CFAP20DC: variants seen among roughly 807,000 people sequenced by gnomAD.
The protein encoded by CFAP20DC is CFAP20 domain containing, also known as protein CFAP20DC.
In CFAP20DC, 84 loss-of-function variants were observed where a neutral mutation model predicts 101.7. The ratio of observed to expected loss-of-function variants is 0.83; its 90% CI spans 0.69 to 0.99. The LOEUF (loss-of-function observed/expected upper bound fraction) is 0.99. CFAP20DC is among the 50% of genes least tolerant of loss of function. The pLI is 0.00. For synonymous variants in CFAP20DC, 359 were observed against 351.2 expected (o/e 1.02, Z -0.25); for missense variants, 1,007 against 970.3 (o/e 1.04, Z -0.50).
chr3:58,982,699 G>A (rs2092607178), intron 4 of CFAP20DC, among the ~76,000 whole-genome samples: 1 of 117,256 alleles, frequency 8.5e-6, no homozygotes, highest in African/African-American at 3.3e-5. Context: ...ACACTTCGGA[G>A]ACTGTTGTGG....
intron 4 of CFAP20DC, among the ~76,000 whole-genome samples, chr3:58,940,128 T>A (rs888305487): frequency 6.6e-6 from 1 of 152,210 alleles, no homozygotes; most frequent in Admixed American, 6.5e-5. Flanking sequence ...AATGATTGAG[T>A]ATACTATCAC....
At chr3:58,753,944 G>C in intron 15 of CFAP20DC, 81 bp from the exon 16 acceptor site, 1 of 905,690 alleles carries the variant, frequency 1.1e-6, no homozygotes, top group Non-Finnish European at 1.7e-6. Context: ...TCAGTTCCTT[G>C]GGGCTTCCAA....
intron 12 of CFAP20DC, among the ~76,000 whole-genome samples, chr3:58,853,764 G>T (rs1415188061): frequency 2.0e-5 from 3 of 152,094 alleles, no homozygotes; most frequent in African/African-American, 7.2e-5. Context: ...TGCAGAAAAG[G>T]CCTTAGACAA....
chr3:59,030,914 C>T (rs1326848608), intron 4 of CFAP20DC, among the ~76,000 whole-genome samples: 2 of 152,152 alleles, frequency 1.3e-5, no homozygotes, highest in Non-Finnish European at 2.9e-5. Context: ...AGCTCCGCCT[C>T]CCGGGTTCAC....
At chr3:58,884,875 A>C (rs1368951014) in intron 6 of CFAP20DC, among the ~76,000 whole-genome samples, 166 bp from the exon 7 acceptor site, 2 of 152,158 alleles carry the variant, frequency 1.3e-5, no homozygotes, top group Non-Finnish European at 2.9e-5. Flanking sequence ...GAGCATGATA[A>C]TTTTACTGCT....
In CFAP20DC at chr3:58,903,449, T is replaced by C. The variant is rs1313288585; in HGVS notation, c.550+10259A>G. Among the ~76,000 whole-genome samples, 6 of 152,180 alleles carry C rather than the reference T, an allele frequency of 3.9e-5. No homozygotes were observed. The East Asian group carries it at 1.2e-3, about 29-fold the overall frequency. On this transcript the variant is annotated intron_variant, in intron 6 of 16. Transcript: ENST00000482387. ...CCTTTTTGAAATCAAATGTATGGTT[T>C]GTGTATTAGTTCCTTCTCAGGCTGC... is the stretch of plus-strand genomic sequence containing the variant.
In CFAP20DC at chr3:58,863,158, C is replaced by T. The variant is rs2079392543; in HGVS notation, c.1593+400G>A. ...AAAGATGGCAGGGGAGTAAGGAAGC[C>T]AGAAAACCATCAATTTAGAATGCTT... is the stretch of plus-strand genomic sequence containing the variant. On this transcript the variant is annotated intron_variant, in intron 12 of 16. Coordinates refer to ENST00000482387, the MANE Select transcript of CFAP20DC (RefSeq NM_001394063.1). The surrounding 1 kb of genome is among the most constrained non-coding windows in gnomAD (Gnocchi z 5.9). 4 of 1,083,548 alleles carry T rather than the reference C, an allele frequency of 3.7e-6. No homozygotes were observed. Among genetic ancestry groups the T allele is most frequent in the Non-Finnish European group, 4.5e-6 (4 of 895,040 alleles). 67.1% of individuals were successfully genotyped at this position (1,083,548 alleles called of 1,614,324 possible).
At chr3:58,751,371 A>G (rs1041850235) in intron 16 of CFAP20DC, among the ~76,000 whole-genome samples, 1 of 152,210 alleles carries the variant, frequency 6.6e-6, no homozygotes, top group Non-Finnish European at 1.5e-5. Context: ...AAGATAAACA[A>G]CATGCAAATA....
chr3:58,807,857 A>T (rs2074238015), intron 14 of CFAP20DC, among the ~76,000 whole-genome samples: 1 of 152,208 alleles, frequency 6.6e-6, no homozygotes, highest in Admixed American at 6.5e-5. Context: ...ACCAATACAG[A>T]GAAGTGCTTA....
At chr3:58,924,935 T>C (rs1038460644) in intron 5 of CFAP20DC, among the ~76,000 whole-genome samples, 4 of 152,156 alleles carry the variant, frequency 2.6e-5, no homozygotes, top group Non-Finnish European at 5.9e-5. Flanking sequence ...TTTGTTTTTT[T>C]CTTGTTATCT....
At chr3:58,804,036 T>C (rs10510799) in intron 15 of CFAP20DC, among the ~76,000 whole-genome samples, 5,121 of 152,254 alleles carry the variant, frequency 0.034, 276 homozygotes, top group African/African-American at 0.11. Flanking sequence ...ATGCTTTCTA[T>C]ATAGGACAAT....
Position 58,821,873 on chromosome 3 carries a change from T to G in CFAP20DC, c.2175+9813A>C, listed in dbSNP as rs1305603827. ...ATGTTTATTGCGGCATTATTCACAA[T>G]AGCAAAGACTTGGAACCAACCCAAA... On this transcript the variant is annotated intron_variant, in intron 14 of 16. Transcript: ENST00000482387. 2.3e-5 allele frequency among the ~76,000 whole-genome samples: 3 copies of G among 127,818 alleles called. No individual in the cohort carries two copies. In the East Asian group the frequency reaches 7.0e-4, roughly 30 times the overall value. 83.9% of individuals were successfully genotyped at this position (127,818 alleles called of 152,430 possible).
chr3:58,949,479 T>C (rs376049384), intron 4 of CFAP20DC, among the ~76,000 whole-genome samples: 1 of 152,174 alleles, frequency 6.6e-6, no homozygotes, highest in African/African-American at 2.4e-5. Flanking sequence ...TTCTGGTATG[T>C]TGTGTCTTTG....
At chr3:58,826,015 C>G (rs1410270291) in intron 14 of CFAP20DC, among the ~76,000 whole-genome samples, 2 of 152,174 alleles carry the variant, frequency 1.3e-5, no homozygotes, top group African/African-American at 4.8e-5. Flanking sequence ...AAGGATTTTG[C>G]TAAAGACTCT....
chr3:58,871,531 CTTT>C (rs951056591), intron 7 of CFAP20DC, among the ~76,000 whole-genome samples: 6 of 136,126 alleles, frequency 4.4e-5, no homozygotes, highest in Admixed American at 1.5e-4. Context: ...TCCGACTTTT[CTTT>C]TTTTTTTTTT....
chr3:58,761,856 T>A (rs1028957121), intron 15 of CFAP20DC, among the ~76,000 whole-genome samples: 2 of 152,108 alleles, frequency 1.3e-5, no homozygotes, highest in African/African-American at 4.8e-5. Flanking sequence ...TTTGAGTGAG[T>A]TTCTTAATCC....
intron 12 of CFAP20DC, among the ~76,000 whole-genome samples, chr3:58,858,613 T>C (rs1264633442): frequency 3.3e-5 from 5 of 152,198 alleles, no homozygotes; most frequent in Non-Finnish European, 5.9e-5. Context: ...ATAATATTTA[T>C]TCATATTTCA....
chr3:58,826,752 G>C (rs2076066633), intron 14 of CFAP20DC, among the ~76,000 whole-genome samples: 1 of 152,190 alleles, frequency 6.6e-6, no homozygotes, highest in Non-Finnish European at 1.5e-5. Flanking sequence ...AGGTATGAAA[G>C]AACACAGGCA....
At position 59,001,496 on chromosome 3, in the gene CFAP20DC, C is replaced by G. The variant is rs1345388080; in HGVS notation, c.278+38061G>C. On this transcript the variant is annotated intron_variant, in intron 4 of 16. Coordinates refer to ENST00000482387, the MANE Select transcript of CFAP20DC (RefSeq NM_001394063.1). This position sits in a 1 kb window ranked among gnomAD's most constrained non-coding sequence, Gnocchi z 4.5. ...CTCAGCCTCGATCTCACCCCAACCTCCGCCTCCCAGGTTCAAGTGATTCTC... is the reference window on the plus strand; with the variant it reads ...CTCAGCCTCGATCTCACCCCAACCTGCGCCTCCCAGGTTCAAGTGATTCTC... Among the ~76,000 whole-genome samples, 1 of 152,212 alleles carries G rather than the reference C, an allele frequency of 6.6e-6. No individual in the cohort carries two copies. The highest frequency in any genetic ancestry group is 2.4e-5 in the African/African-American group (1 of 41,452).
Sources: allele counts gnomAD v4.1 joint callset (sites outside exome capture counted in the v4.1 genomes callset), GRCh38; gene constraint gnomAD v4.1.1; non-coding constraint Gnocchi (gnomAD v3.1); transcripts MANE v1.5; gene names NCBI Gene and HGNC (gene_info 2026-07-23, HGNC 2026-07-21).